The following CCBE1 variants were observed in gnomAD, a reference collection of about 807,000 sequenced individuals.
CCBE1 encodes collagen and calcium-binding EGF domain-containing protein 1.
A neutral mutation model predicts 50.0 loss-of-function variants in CCBE1; 37 were observed. That is an observed-to-expected ratio of 0.74 (90% CI 0.57 to 0.97). CCBE1 has a LOEUF of 0.97. Ranked by LOEUF, CCBE1 falls within the 50% of genes least tolerant of loss-of-function variation. The probability of loss-of-function intolerance (pLI) is 0.00; values close to 1 mark genes in which losing one functional copy is unlikely to be tolerated. For synonymous variants in CCBE1, 234 were observed against 203.7 expected, an observed-to-expected ratio of 1.15 and a Z score of -1.27; for missense variants, 538 against 523.8, an observed-to-expected ratio of 1.03 and a Z score of -0.26.
At chr18:59,606,150 G>T (rs1019396322) in intron 2 of CCBE1, among the ~76,000 whole-genome samples, 1 of 152,150 alleles carries the variant, frequency 6.6e-6, no homozygotes, top group Non-Finnish European at 1.5e-5. Context: ...TCCATTCATT[G>T]TTTCGGAAAA....
In CCBE1 at chr18:59,431,199, G is replaced by A. The variant is rs539102408; in HGVS notation, c.*4709C>T. ...TCTATGATTTCCCTAGAGCAGTAAC[G>A]TTTGTTGAGGGAGCATGTGAAGTTC... On this transcript the variant is annotated 3_prime_UTR_variant, in exon 11 of 11. Coordinates refer to ENST00000439986, the MANE Select transcript of CCBE1 (RefSeq NM_133459.4). The A allele has an allele frequency of 2.6e-5, 4 of 152,304 alleles. No individual in the cohort carries two copies. The highest frequency in any genetic ancestry group is 3.9e-4 in the East Asian group (2 of 5,188). The allele number at this position is 152,304 out of a possible 1,614,324, so 9.4% of individuals were successfully genotyped here. A position where few individuals can be genotyped will look rare whatever the true frequency, so the allele number is the denominator to read the frequency against.
intron 2 of CCBE1, among the ~76,000 whole-genome samples, chr18:59,651,692 A>G (rs563020054): frequency 6.6e-6 from 1 of 152,352 alleles, no homozygotes; most frequent in East Asian, 1.9e-4. Flanking sequence ...GACATGCTCC[A>G]TCTACAAATA....
intron 2 of CCBE1, among the ~76,000 whole-genome samples, chr18:59,661,860 G>T (rs1471287053): frequency 6.6e-6 from 1 of 151,944 alleles, no homozygotes; most frequent in Non-Finnish European, 1.5e-5. Flanking sequence ...CCCACTACTT[G>T]GGAGGCTGAG....
At chr18:59,540,327 T>C (rs1052203642) in intron 2 of CCBE1, among the ~76,000 whole-genome samples, 1 of 152,178 alleles carries the variant, frequency 6.6e-6, no homozygotes, top group Admixed American at 6.5e-5. Flanking sequence ...GAAAATTACA[T>C]ATAGAAATAT....
At chr18:59,530,678 T>G (rs1040615391) in intron 2 of CCBE1, among the ~76,000 whole-genome samples, 3 of 152,206 alleles carry the variant, frequency 2.0e-5, no homozygotes, top group Non-Finnish European at 4.4e-5. Flanking sequence ...TTCATAAAAT[T>G]GACAGAGCTT....
intron 2 of CCBE1, among the ~76,000 whole-genome samples, chr18:59,519,568 T>C (rs907923875): frequency 1.8e-4 from 27 of 152,232 alleles, no homozygotes; most frequent in Non-Finnish European, 3.8e-4. Flanking sequence ...TGAAAGGATC[T>C]CTATCCTTTG....
At chr18:59,580,166 C>A (rs149806637) in intron 2 of CCBE1, among the ~76,000 whole-genome samples, 2 of 152,184 alleles carry the variant, frequency 1.3e-5, no homozygotes, top group East Asian at 3.9e-4. Flanking sequence ...TTAGGGCAAG[C>A]CTGCCTCTTG....
At chr18:59,560,265 G>A (rs1234044877) in intron 2 of CCBE1, among the ~76,000 whole-genome samples, 2 of 152,176 alleles carry the variant, frequency 1.3e-5, no homozygotes, top group Non-Finnish European at 2.9e-5. Context: ...ATAGGCTTTT[G>A]GTCCCACCTG....
At chr18:59,632,941 A>G (rs2053868684) in intron 2 of CCBE1, among the ~76,000 whole-genome samples, 1 of 152,130 alleles carries the variant, frequency 6.6e-6, no homozygotes. Context: ...AGGGCACAGG[A>G]GAGTAGACCA....
At chr18:59,534,481 A>G (rs1441639655) in intron 2 of CCBE1, among the ~76,000 whole-genome samples, 3 of 152,206 alleles carry the variant, frequency 2.0e-5, no homozygotes, top group African/African-American at 7.2e-5. Context: ...CCTGCATCTG[A>G]ATTTGATCCT....
rs144046539 is a variant in CCBE1 at position 59,448,510 on chromosome 18, G to C, written c.655-407C>G. 4.3e-3 allele frequency among the ~76,000 whole-genome samples: 658 copies of C among 152,216 alleles called. 4 individuals carry two copies. The highest frequency in any genetic ancestry group is 0.015 in the African/African-American group (619 of 41,538). The stretch of plus-strand genomic sequence containing the variant: ...TGGCTACAGTGGTGACCAAGACATG[G>C]TTCCTGCCCTTAAAGAACTCTCAGC... On this transcript the variant is annotated intron_variant, in intron 6 of 10. Coordinates refer to ENST00000439986, the MANE Select transcript of CCBE1 (RefSeq NM_133459.4).
chr18:59,480,324 T>G, intron 2 of CCBE1, 86 bp from the exon 3 acceptor site: 1 of 1,067,818 alleles, frequency 9.4e-7, no homozygotes, highest in South Asian at 1.4e-5. Context: ...TGAAATAACT[T>G]GTGCCCAGGA....
At position 59,516,049 on chromosome 18, in the gene CCBE1, C is replaced by T. The variant is rs896557532; in HGVS notation, c.213-35811G>A. On this transcript the variant is annotated intron_variant, in intron 2 of 10. Transcript: ENST00000439986. Reference sequence around the variant, plus strand: ...TCTCTGCTCACTGAAACCTCCGCCTCCTGGGTTCAAGCGATTCTTTTGCTC... The same window carrying T: ...TCTCTGCTCACTGAAACCTCCGCCTTCTGGGTTCAAGCGATTCTTTTGCTC... 3.9e-5 allele frequency among the ~76,000 whole-genome samples: 6 copies of T among 152,246 alleles called. No individual in the cohort carries two copies. In the East Asian group the frequency reaches 9.7e-4, roughly 25 times the overall value.
At chr18:59,692,265 T>C (rs952488035) in intron 2 of CCBE1, among the ~76,000 whole-genome samples, 1 of 152,194 alleles carries the variant, frequency 6.6e-6, no homozygotes, top group Non-Finnish European at 1.5e-5. Flanking sequence ...TTCCTATGTG[T>C]CGTGAATTTT....
At chr18:59,589,807 A>AAG (rs1263119372) in intron 2 of CCBE1, among the ~76,000 whole-genome samples, 1 of 132,468 alleles carries the variant, frequency 7.5e-6, no homozygotes, top group African/African-American at 2.6e-5. Flanking sequence ...AAAAAAAAAA[A>AAG]AAAAGAAAGA....
chr18:59,455,379 C>A (rs7229033), intron 5 of CCBE1, among the ~76,000 whole-genome samples: 73,931 of 151,994 alleles, frequency 0.49, 18,252 homozygotes, highest in Middle Eastern at 0.62. Flanking sequence ...CCTTTATCAC[C>A]TCTGCTAATC....
chr18:59,469,950 C>T (rs1911950034), intron 3 of CCBE1, among the ~76,000 whole-genome samples: 1 of 152,170 alleles, frequency 6.6e-6, no homozygotes, highest in Admixed American at 6.5e-5. Flanking sequence ...TCATCAACTG[C>T]TGTAGAGGCA....
chr18:59,491,028 G>A (rs1913074242), intron 2 of CCBE1, among the ~76,000 whole-genome samples: 1 of 152,184 alleles, frequency 6.6e-6, no homozygotes. Flanking sequence ...ACTGCGAACA[G>A]TAACAATTGT....
At chr18:59,578,624 A>G (rs2053037168) in intron 2 of CCBE1, among the ~76,000 whole-genome samples, 3 of 152,280 alleles carry the variant, frequency 2.0e-5, no homozygotes, top group African/African-American at 7.2e-5. Flanking sequence ...CCCATAAAAA[A>G]GGATGAGTTC....
Sources: gnomAD v4.1 joint callset for allele counts (sites outside exome capture counted in the v4.1 genomes callset) on GRCh38, gnomAD v4.1.1 for gene constraint, MANE v1.5 for transcripts, NCBI Gene and HGNC (gene_info 2026-07-23, HGNC 2026-07-21) for gene names.